The following CSGALNACT1 variants were observed in gnomAD, a reference collection of about 807,000 sequenced individuals.
The protein encoded by CSGALNACT1 is chondroitin sulfate N-acetylgalactosaminyltransferase 1, also known as beta4GalNAcT-1.
Under a neutral mutation model 51.0 loss-of-function variants are expected in CSGALNACT1, and 52 were observed. The ratio of observed to expected loss-of-function variants is 1.02; its 90% confidence interval spans 0.82 to 1.29. CSGALNACT1 has a LOEUF of 1.29. Ranked by LOEUF, CSGALNACT1 falls within the 50% of genes most tolerant of loss-of-function variation. CSGALNACT1 has a pLI of 0.00. For synonymous variants in CSGALNACT1, 341 were observed against 254.4 expected (o/e 1.34, Z -3.24); for missense variants, 935 against 679.2 (o/e 1.38, Z -4.19).
chr8:19,649,273 G>C (rs2057557572), intron 1 of CSGALNACT1, among the ~76,000 whole-genome samples: 1 of 152,142 alleles, frequency 6.6e-6, no homozygotes, highest in African/African-American at 2.4e-5. Flanking sequence ...TCCTAGTGTA[G>C]ATATTAGCTA....
chr8:19,549,786 G>A (rs1371580360), intron 3 of CSGALNACT1, among the ~76,000 whole-genome samples: 1 of 148,084 alleles, frequency 6.8e-6, no homozygotes, highest in Non-Finnish European at 1.5e-5. Flanking sequence ...TTCTACCGTT[G>A]CATTTGGCTG....
chr8:19,625,560 C>T (rs1006392245), intron 1 of CSGALNACT1, among the ~76,000 whole-genome samples: 3 of 152,190 alleles, frequency 2.0e-5, no homozygotes, highest in African/African-American at 7.2e-5. Context: ...GAGCCTCACA[C>T]CTTGCTTACT....
In CSGALNACT1 at chr8:19,516,040, G is replaced by C. The variant is rs557728470; in HGVS notation, c.-296-9910C>G. 3.3e-5 allele frequency among the ~76,000 whole-genome samples: 5 copies of C among 152,228 alleles called. 1 individual carries two copies. Among genetic ancestry groups the C allele is most frequent in the African/African-American group, 1.2e-4 (5 of 41,548 alleles). ...ACCCCGCAAGGAGACCTGACTCCCGGAGTCTTTTGGGGCTCTTGGTGCCGG... is the reference window on the plus strand; with the variant it reads ...ACCCCGCAAGGAGACCTGACTCCCGCAGTCTTTTGGGGCTCTTGGTGCCGG... On this transcript the variant is annotated intron_variant, in intron 3 of 9. Transcript: ENST00000454498.
chr8:19,466,724 A>G lies in CSGALNACT1; in HGVS notation c.635-8082T>C, dbSNP rs144966263. ...CTCACATGCTCAGACGCTAGAAGGCAAATCACTCACCCCATGAAATGCAAC... is the reference window on the plus strand; with the variant it reads ...CTCACATGCTCAGACGCTAGAAGGCGAATCACTCACCCCATGAAATGCAAC... On this transcript the variant is annotated intron_variant, in intron 4 of 9. Transcript: ENST00000454498. Among the ~76,000 whole-genome samples, 3 of 152,292 alleles carry G rather than the reference A, an allele frequency of 2.0e-5. No homozygotes were observed. The East Asian group carries it at 5.8e-4, about 29-fold the overall frequency.
At chr8:19,450,778 C>T (rs2063040816) in intron 5 of CSGALNACT1, among the ~76,000 whole-genome samples, 1 of 151,882 alleles carries the variant, frequency 6.6e-6, no homozygotes, top group Non-Finnish European at 1.5e-5. Context: ...GATGTGGTGG[C>T]ATGCATCCGT....
intron 4 of CSGALNACT1, among the ~76,000 whole-genome samples, chr8:19,482,224 G>A (rs1309239260): frequency 1.3e-5 from 2 of 152,156 alleles, no homozygotes; most frequent in East Asian, 1.9e-4. Context: ...TTTGTCAAAC[G>A]GCTACTGTAC....
chr8:19,411,589 T>G (rs1254023913), intron 8 of CSGALNACT1, among the ~76,000 whole-genome samples: 3 of 152,218 alleles, frequency 2.0e-5, no homozygotes, highest in Non-Finnish European at 4.4e-5. Context: ...CCTGTGGCTC[T>G]GGACCAAGAG....
Position 19,505,813 on chromosome 8 carries a change from G to A in CSGALNACT1, c.22C>T (p.Leu8=), listed in dbSNP as rs777935792. ...ACCACCCGGGAAATCCACGCAAGCA[G>A]CCCCCGGCGAACCATCATCATTCAG... is the stretch of plus-strand genomic sequence containing the variant. Residue 8 remains leucine (L), a synonymous_variant, in exon 4 of 10, where the codon CTG becomes TTG. Transcript: ENST00000454498. The A allele has an allele frequency of 1.9e-6, 3 of 1,612,560 alleles. No individual in the cohort carries two copies. In the Admixed American group the frequency reaches 5.0e-5, roughly 27 times the overall value.
intron 6 of CSGALNACT1, among the ~76,000 whole-genome samples, chr8:19,438,627 G>T (rs1225296316): frequency 6.6e-6 from 1 of 152,186 alleles, no homozygotes; most frequent in Non-Finnish European, 1.5e-5. Flanking sequence ...GGCTTTGTGA[G>T]TCACACAGTC....
intron 1 of CSGALNACT1, among the ~76,000 whole-genome samples, chr8:19,657,365 AG>A (rs1173153768): frequency 1.3e-5 from 2 of 152,168 alleles, no homozygotes; most frequent in Admixed American, 6.5e-5. Flanking sequence ...CTATGAGAAA[AG>A]GAAAGAATGG....
intron 1 of CSGALNACT1, among the ~76,000 whole-genome samples, chr8:19,628,516 T>A (rs1012450551): frequency 8.5e-5 from 13 of 152,238 alleles, no homozygotes; most frequent in African/African-American, 4.8e-5. Context: ...TCAACAGTGT[T>A]CACTGCATTT....
intron 3 of CSGALNACT1, among the ~76,000 whole-genome samples, chr8:19,527,685 G>A (rs2154047758): frequency 6.6e-6 from 1 of 152,318 alleles, no homozygotes; most frequent in East Asian, 1.9e-4. Flanking sequence ...CATTACGCAT[G>A]AGAACCACGC....
intron 4 of CSGALNACT1, among the ~76,000 whole-genome samples, chr8:19,486,545 C>T (rs55889457): frequency 0.14 from 21,659 of 152,090 alleles, 1,904 homozygotes; most frequent in Non-Finnish European, 0.2. Context: ...CGAAGCATTC[C>T]TGCCCAGAGC....
rs148651068 is a variant in CSGALNACT1 at position 19,538,001 on chromosome 8, T to C, written c.-296-31871A>G. ...GCCAACTATGTATCTAACAAAGGACTAGCACCAACCTTTAGTCAGATATAA... is the reference window on the plus strand; with the variant it reads ...GCCAACTATGTATCTAACAAAGGACCAGCACCAACCTTTAGTCAGATATAA... On this transcript the variant is annotated intron_variant, in intron 3 of 9. Coordinates refer to ENST00000454498, the Ensembl canonical transcript of CSGALNACT1. Among the ~76,000 whole-genome samples, 665 of 152,286 alleles carry C rather than the reference T, an allele frequency of 4.4e-3. 3 individuals carry two copies. The highest frequency in any genetic ancestry group is 8.8e-3 in the Admixed American group (134 of 15,282).
intron 3 of CSGALNACT1, among the ~76,000 whole-genome samples, chr8:19,508,783 T>C (rs1482772254): frequency 6.6e-6 from 1 of 152,228 alleles, no homozygotes; most frequent in African/African-American, 2.4e-5. Flanking sequence ...GGTTTTCTAA[T>C]AAAATGGTTG....
At chr8:19,407,716 C>T (rs28553498) in intron 9 of CSGALNACT1, among the ~76,000 whole-genome samples, 8 of 152,034 alleles carry the variant, frequency 5.3e-5, no homozygotes, top group South Asian at 2.1e-4. Context: ...CACAGGCGTG[C>T]GCATGTGCAT....
chr8:19,612,330 G>A (rs1324442176), intron 1 of CSGALNACT1, among the ~76,000 whole-genome samples: 1 of 147,868 alleles, frequency 6.8e-6, no homozygotes, highest in Admixed American at 6.7e-5. Context: ...ATGGCAGGAT[G>A]AATCCCTGTC....
At chr8:19,679,524 T>C (rs575823138) in intron 1 of CSGALNACT1, among the ~76,000 whole-genome samples, 1 of 152,040 alleles carries the variant, frequency 6.6e-6, no homozygotes, top group Non-Finnish European at 1.5e-5. Flanking sequence ...CATATACAGA[T>C]CAATCTCATT....
At chr8:19,563,142 C>A (rs574243836) in intron 3 of CSGALNACT1, among the ~76,000 whole-genome samples, 1 of 152,118 alleles carries the variant, frequency 6.6e-6, no homozygotes, top group African/African-American at 2.4e-5. Flanking sequence ...ATGGACGGAG[C>A]TAGAAGCCAT....
Sources: gnomAD v4.1 joint callset for allele counts (sites outside exome capture counted in the v4.1 genomes callset) on GRCh38, gnomAD v4.1.1 for gene constraint, MANE v1.5 for transcripts, NCBI Gene and HGNC (gene_info 2026-07-23, HGNC 2026-07-21) for gene names.